The following CRIM1 variants were observed in gnomAD, a reference collection of about 807,000 sequenced individuals.
CRIM1 encodes the protein cysteine rich transmembrane BMP regulator 1, also known as cysteine-rich motor neuron 1 protein.
In CRIM1, 32 loss-of-function variants were observed where a neutral mutation model predicts 116.4. The observed-to-expected ratio is 0.27, with a 90% CI of 0.21 to 0.37. CRIM1 has a LOEUF of 0.37. CRIM1 is among the 10% of genes least tolerant of loss of function. CRIM1 has a pLI of 1.00. For synonymous variants in CRIM1, 590 were observed against 509.2 expected (o/e 1.16, Z -2.13); for missense variants, 1,331 against 1,354.8 (o/e 0.98, Z 0.28).
At chr2:36,535,285 A>T (rs528312628) in intron 13 of CRIM1, among the ~76,000 whole-genome samples, 3 of 152,142 alleles carry the variant, frequency 2.0e-5, no homozygotes, top group African/African-American at 7.2e-5. Context: ...TACTTAAATT[A>T]GGCATCATTG....
intron 1 of CRIM1, among the ~76,000 whole-genome samples, chr2:36,367,001 C>G (rs999022640): frequency 6.6e-6 from 1 of 152,182 alleles, no homozygotes; most frequent in Non-Finnish European, 1.5e-5. Context: ...ATCATGTTAT[C>G]AAATGCAGAT....
rs143267027 is a variant in CRIM1 at position 36,406,675 on chromosome 2, T to C, written c.505+9888T>C. Among the ~76,000 whole-genome samples, 371 of 140,682 alleles carry C rather than the reference T, an allele frequency of 2.6e-3. 3 individuals are homozygous for C. Among genetic ancestry groups the C allele is most frequent in the African/African-American group, 9.7e-3 (363 of 37,502 alleles). 92.3% of individuals were successfully genotyped at this position (140,682 alleles called of 152,430 possible). On this transcript the variant is annotated intron_variant, in intron 2 of 16. Transcript: ENST00000280527. ...AGATAACCTCTCAAACTGATTCTCT[T>C]ACTCGTCCTGAAACCAAGCATTCTG...
At chr2:36,363,600 A>G (rs1669389060) in intron 1 of CRIM1, among the ~76,000 whole-genome samples, 2 of 142,134 alleles carry the variant, frequency 1.4e-5, no homozygotes, top group African/African-American at 5.1e-5. Context: ...TATTTTGAGT[A>G]ATGTTTTAGG....
intron 5 of CRIM1, among the ~76,000 whole-genome samples, chr2:36,472,318 A>T (rs1045295747): frequency 6.6e-6 from 1 of 152,220 alleles, no homozygotes; most frequent in Non-Finnish European, 1.5e-5. Context: ...CAAAAACCAC[A>T]GGTAGCCTTT....
At chr2:36,442,028 A>C (rs1009415689) in intron 3 of CRIM1, among the ~76,000 whole-genome samples, 2 of 152,188 alleles carry the variant, frequency 1.3e-5, no homozygotes, top group African/African-American at 4.8e-5. Flanking sequence ...AGCATGTGCC[A>C]AGTCATCTTT....
chr2:36,435,589 A>T (rs1028034862), intron 2 of CRIM1, among the ~76,000 whole-genome samples: 1 of 150,462 alleles, frequency 6.6e-6, no homozygotes, highest in African/African-American at 2.4e-5. Flanking sequence ...CTCGTAGATC[A>T]TGATTGTATT....
intron 15 of CRIM1, among the ~76,000 whole-genome samples, chr2:36,545,178 T>C (rs1558424047): frequency 6.6e-6 from 1 of 152,230 alleles, no homozygotes; most frequent in African/African-American, 2.4e-5. Flanking sequence ...AAATCATTGC[T>C]ATATAACTTA....
At chr2:36,523,629 A>C (rs17018983) in intron 13 of CRIM1, among the ~76,000 whole-genome samples, 2 of 152,254 alleles carry the variant, frequency 1.3e-5, no homozygotes. Context: ...TAGTGCACCT[A>C]TAATCAGAGT....
intron 13 of CRIM1, among the ~76,000 whole-genome samples, chr2:36,533,732 A>ACC (rs2125156661): frequency 6.6e-6 from 1 of 152,238 alleles, no homozygotes; most frequent in East Asian, 1.9e-4. Context: ...ATTTACATAA[A>ACC]CCCTGTATGC....
At chr2:36,540,540 T>A (rs1041754549) in intron 14 of CRIM1, among the ~76,000 whole-genome samples, 17 of 152,352 alleles carry the variant, frequency 1.1e-4, no homozygotes, top group Middle Eastern at 3.4e-3. Flanking sequence ...TCAAGGCCAG[T>A]GCCTCTGGAG....
intron 1 of CRIM1, among the ~76,000 whole-genome samples, chr2:36,381,747 A>G (rs1015297895): frequency 9.1e-4 from 139 of 152,234 alleles, no homozygotes; most frequent in Non-Finnish European, 7.2e-4. Flanking sequence ...AGATTACGCT[A>G]CTGTACTCCA....
At chr2:36,418,827 G>A (rs1233574896) in intron 2 of CRIM1, among the ~76,000 whole-genome samples, 2 of 152,144 alleles carry the variant, frequency 1.3e-5, no homozygotes, top group Admixed American at 6.5e-5. Flanking sequence ...ATGGATCTGT[G>A]ACCTTGGACA....
At chr2:36,472,196 C>T (rs1558341602) in intron 5 of CRIM1, among the ~76,000 whole-genome samples, 1 of 152,188 alleles carries the variant, frequency 6.6e-6, no homozygotes, top group African/African-American at 2.4e-5. Context: ...CTTCATAACA[C>T]TTTTCCACAT....
Position 36,359,055 on chromosome 2 carries a change from G to A in CRIM1, c.331+2432G>A, listed in dbSNP as rs529793425. ...TTGATTATCTCTTGTTTTTCTGTGA[G>A]TTTACAAGAAATTTCGGAATGGCCA... On this transcript the variant is annotated intron_variant, in intron 1 of 16. Transcript: ENST00000280527. Among the ~76,000 whole-genome samples, 56 of 152,270 alleles carry A rather than the reference G, an allele frequency of 3.7e-4. 1 individual carries two copies. The highest frequency in any genetic ancestry group is 1.3e-3 in the African/African-American group (54 of 41,548).
At chr2:36,381,429 A>G (rs1224288780) in intron 1 of CRIM1, among the ~76,000 whole-genome samples, 1 of 152,186 alleles carries the variant, frequency 6.6e-6, no homozygotes, top group Non-Finnish European at 1.5e-5. Context: ...AGGCTCAGGA[A>G]GGTGAACTGC....
intron 2 of CRIM1, among the ~76,000 whole-genome samples, chr2:36,423,399 G>GCTCAGCTACTCAAGTA (rs1220245086): frequency 6.6e-6 from 1 of 152,182 alleles, no homozygotes; most frequent in East Asian, 1.9e-4. Context: ...CACACCCTCT[G>GCTCAGCTACTCAAGTA]CTCAGCTACT....
At chr2:36,456,438 C>T (rs961745861) in intron 4 of CRIM1, among the ~76,000 whole-genome samples, 4 of 152,178 alleles carry the variant, frequency 2.6e-5, no homozygotes, top group Non-Finnish European at 4.4e-5. Context: ...ACTTATTCTC[C>T]ACTTCCCAGC....
intron 14 of CRIM1, among the ~76,000 whole-genome samples, chr2:36,543,023 C>T (rs983046040): frequency 3.3e-5 from 5 of 152,166 alleles, no homozygotes; most frequent in Admixed American, 6.5e-5. Context: ...TTTTAATTCT[C>T]GAGTTTGCAG....
chr2:36,522,894 C>G (rs528821118), intron 13 of CRIM1, among the ~76,000 whole-genome samples: 111 of 151,796 alleles, frequency 7.3e-4, no homozygotes, highest in African/African-American at 2.6e-3. Flanking sequence ...TATCGGGGTC[C>G]TTGGCCAGTT....
Sources: allele counts gnomAD v4.1 joint callset (sites outside exome capture counted in the v4.1 genomes callset), GRCh38; gene constraint gnomAD v4.1.1; transcripts MANE v1.5; gene names NCBI Gene and HGNC (gene_info 2026-07-23, HGNC 2026-07-21).